Variants in MAP2K5 observed in about 807,000 individuals in gnomAD.
MAP2K5 encodes the protein dual specificity mitogen-activated protein kinase kinase 5.
In MAP2K5, 49 loss-of-function variants were observed where a neutral mutation model predicts 83.1. That is an observed-to-expected ratio of 0.59 (90% CI 0.47 to 0.75). MAP2K5 has a LOEUF of 0.75. Ranked by LOEUF, MAP2K5 falls within the 30% of genes least tolerant of loss-of-function variation. The pLI is 0.00. For missense variants in MAP2K5, 457 were observed against 557.5 expected, an observed-to-expected ratio of 0.82 and a Z score of 1.82; for synonymous variants, 202 against 191.8, an observed-to-expected ratio of 1.05 and a Z score of -0.44.
intron 11 of MAP2K5, among the ~76,000 whole-genome samples, chr15:67,647,606 C>T (rs1161074511): frequency 6.6e-6 from 1 of 151,634 alleles, no homozygotes; most frequent in Non-Finnish European, 1.5e-5. Flanking sequence ...AAAAATATGG[C>T]CGGGCACGGT....
chr15:67,733,820 C>T (rs1323613945), intron 17 of MAP2K5, among the ~76,000 whole-genome samples: 3 of 152,288 alleles, frequency 2.0e-5, no homozygotes, highest in South Asian at 4.1e-4. Flanking sequence ...TAACGACTGG[C>T]ACCTTCCATA....
intron 16 of MAP2K5, among the ~76,000 whole-genome samples, chr15:67,723,391 A>G (rs2089013709): frequency 6.6e-6 from 1 of 152,224 alleles, no homozygotes; most frequent in Admixed American, 6.5e-5. Context: ...AAGGTCAATA[A>G]GATGACACTA....
At position 67,644,449 on chromosome 15, in the gene MAP2K5, G is replaced by A. The variant is rs954849589; in HGVS notation, c.586-1782G>A. ...ACTCTTGAATTAGTTTCACTGACATGCTTAGTAGAATTTGAACAGTATGGT... is the reference window on the plus strand; with the variant it reads ...ACTCTTGAATTAGTTTCACTGACATACTTAGTAGAATTTGAACAGTATGGT... On this transcript the variant is annotated intron_variant, in intron 9 of 21. Transcript: ENST00000178640. This position sits in a 1 kb window ranked among gnomAD's most constrained non-coding sequence, Gnocchi z 4.6. Among the ~76,000 whole-genome samples the A allele has an allele frequency of 4.6e-5, 7 of 151,992 alleles. No homozygotes were observed. Among genetic ancestry groups the A allele is most frequent in the Non-Finnish European group, 8.8e-5 (6 of 68,008 alleles).
chr15:67,780,578 T>C lies in MAP2K5; in HGVS notation c.1242+7826T>C, dbSNP rs1221142532. The stretch of plus-strand genomic sequence containing the variant: ...CTCAGAGTAAAGCTGAAGAAACTAA[T>C]CCAAGAACAAGCAATCCCTGGACAT... On this transcript the variant is annotated intron_variant, in intron 21 of 21. Coordinates refer to ENST00000178640, the MANE Select transcript of MAP2K5 (RefSeq NM_145160.3). The surrounding 1 kb of genome is among the most constrained non-coding windows in gnomAD (Gnocchi z 5.0). 1.3e-5 allele frequency among the ~76,000 whole-genome samples: 2 copies of C among 152,162 alleles called. No homozygotes were observed. Among genetic ancestry groups the C allele is most frequent in the Non-Finnish European group, 1.5e-5 (1 of 68,030 alleles).
rs1266572058 is a variant in MAP2K5, at chr15:67,646,271, T to G, written c.626T>G (p.Ile209Ser). The G allele has an allele frequency of 6.9e-7, 1 of 1,448,314 alleles. No homozygotes were observed. The highest frequency in any genetic ancestry group is 2.3e-5 in the East Asian group (1 of 43,022). 89.7% of individuals were successfully genotyped at this position (1,448,314 alleles called of 1,614,324 possible). Residue 209 changes from isoleucine (I) to serine (S), a missense_variant, in exon 10 of 22, where the codon ATT becomes AGT. Ile to Ser is a moderately radical substitution (Grantham distance 142). Coordinates refer to ENST00000178640, the MANE Select transcript of MAP2K5 (RefSeq NM_145160.3). ...ATTACACTGGAACTTCAGAAGCAAA[T>G]TATGTCTGAATTGGAAATTCTTTAT... is the stretch of plus-strand genomic sequence containing the variant. ...LDITLELQKQ[I>S]MSELEILYKC... is the part of the protein sequence containing the mutation.
chr15:67,739,488 T>A (rs1218691552), intron 17 of MAP2K5, among the ~76,000 whole-genome samples: 10 of 60,938 alleles, frequency 1.6e-4, no homozygotes, highest in African/African-American at 7.1e-4. Flanking sequence ...TTTTTTTTTT[T>A]TTTTTTTTTT....
In MAP2K5 at chr15:67,637,861, G is replaced by A. The variant is rs952278522; in HGVS notation, c.585+6934G>A. Among the ~76,000 whole-genome samples, 3 of 151,800 alleles carry A rather than the reference G, an allele frequency of 2.0e-5. No homozygotes were observed. Among genetic ancestry groups the A allele is most frequent in the Non-Finnish European group, 4.4e-5 (3 of 67,974 alleles). On this transcript the variant is annotated intron_variant, in intron 9 of 21. Transcript: ENST00000178640. The surrounding 1 kb of genome is among the most constrained non-coding windows in gnomAD (Gnocchi z 4.5). The stretch of plus-strand genomic sequence containing the variant: ...CATCTCATTTGTTTTCCATCTTTCA[G>A]GGATCACTGCCCCATTCTGGCTAAT...
At chr15:67,661,576 A>AT (rs2087239765) in intron 12 of MAP2K5, among the ~76,000 whole-genome samples, 1 of 152,138 alleles carries the variant, frequency 6.6e-6, no homozygotes, top group Non-Finnish European at 1.5e-5. Flanking sequence ...AATGTAGTGT[A>AT]TTTTGACAAA....
chr15:67,701,411 C>T (rs958605930), intron 15 of MAP2K5, among the ~76,000 whole-genome samples: 1 of 152,086 alleles, frequency 6.6e-6, no homozygotes, highest in African/African-American at 2.4e-5. Flanking sequence ...ACTCTCTTTG[C>T]CTCTTAGGAA....
intron 13 of MAP2K5, among the ~76,000 whole-genome samples, chr15:67,667,163 C>A (rs1249126226): frequency 6.6e-6 from 1 of 152,004 alleles, no homozygotes; most frequent in East Asian, 1.9e-4. Flanking sequence ...GAGGTTTTGT[C>A]CATATTTAAT....
chr15:67,712,895 C>A (rs1166672753), intron 16 of MAP2K5, among the ~76,000 whole-genome samples: 1 of 149,964 alleles, frequency 6.7e-6, no homozygotes, highest in East Asian at 2.0e-4. Flanking sequence ...TCCGCCTGGG[C>A]GACAGAGCAG....
At position 67,720,081 on chromosome 15, in the gene MAP2K5, GT is replaced by G. The variant is rs1164955815; in HGVS notation, c.1045-7829del. 6.6e-6 allele frequency among the ~76,000 whole-genome samples: 1 copy of G among 151,996 alleles called. No homozygotes were observed. The highest frequency in any genetic ancestry group is 1.5e-5 in the Non-Finnish European group (1 of 67,996). On this transcript the variant is annotated intron_variant, in intron 16 of 21. Transcript: ENST00000178640. The surrounding 1 kb of genome is among the most constrained non-coding windows in gnomAD (Gnocchi z 5.7). ...AAAAGTGGGCATTTTTAAATTGAGG[GT>G]TTTTTCCCCTTTTTTATTTATCAAT...
At chr15:67,601,488 C>G (rs929529687) in intron 8 of MAP2K5, among the ~76,000 whole-genome samples, 1 of 151,998 alleles carries the variant, frequency 6.6e-6, no homozygotes, top group Non-Finnish European at 1.5e-5. Context: ...GTAAGAAAGC[C>G]CTGAGGGAAT....
intron 8 of MAP2K5, among the ~76,000 whole-genome samples, chr15:67,624,148 G>T (rs2086254243): frequency 6.6e-6 from 1 of 151,292 alleles, no homozygotes; most frequent in African/African-American, 2.4e-5. Context: ...GACCATCCTG[G>T]CTAACACAGT....
Position 67,802,145 on chromosome 15 carries a change from G to A in MAP2K5, c.1243-4501G>A, listed in dbSNP as rs1167038356. Among the ~76,000 whole-genome samples, 1 of 152,184 alleles carries A rather than the reference G, an allele frequency of 6.6e-6. No individual in the cohort carries two copies. The highest frequency in any genetic ancestry group is 2.4e-5 in the African/African-American group (1 of 41,448). ...TGTCCTGCTGTCAGTCCATCAGGAA[G>A]GCATCTCAGCACAGTGGAACATGTG... On this transcript the variant is annotated intron_variant, in intron 21 of 21. Transcript: ENST00000178640. The surrounding 1 kb of genome is among the most constrained non-coding windows in gnomAD (Gnocchi z 5.0).
chr15:67,739,935 A>G (rs913645079), intron 17 of MAP2K5, among the ~76,000 whole-genome samples: 12 of 152,202 alleles, frequency 7.9e-5, no homozygotes, highest in African/African-American at 2.9e-4. Flanking sequence ...AACCTTTCTT[A>G]CAATGCCTAG....
intron 17 of MAP2K5, among the ~76,000 whole-genome samples, chr15:67,741,525 C>T (rs183663206): frequency 7.8e-4 from 119 of 152,270 alleles, no homozygotes; most frequent in African/African-American, 2.6e-3. Flanking sequence ...GCTGCAGTTT[C>T]ATTGGACCAG....
chr15:67,710,192 C>T (rs564334046), intron 16 of MAP2K5, among the ~76,000 whole-genome samples: 2 of 152,308 alleles, frequency 1.3e-5, no homozygotes, highest in East Asian at 1.9e-4. Context: ...GCATAGCATA[C>T]GCATTTTGCT....
At position 67,562,654 on chromosome 15, in the gene MAP2K5, T is replaced by A. The variant is rs1331163673; in HGVS notation, c.185-629T>A. The stretch of plus-strand genomic sequence containing the variant: ...TGAAACTGTTCGGAAAAAGAGCTGC[T>A]AAATAGAATGGGGGAGACCTGTATT... On this transcript the variant is annotated intron_variant, in intron 2 of 21. Coordinates refer to ENST00000178640, the MANE Select transcript of MAP2K5 (RefSeq NM_145160.3). The surrounding 1 kb of genome is among the most constrained non-coding windows in gnomAD (Gnocchi z 4.1). Among the ~76,000 whole-genome samples the A allele has an allele frequency of 2.0e-5, 3 of 152,148 alleles. No homozygotes were observed. The highest frequency in any genetic ancestry group is 1.9e-4 in the East Asian group (1 of 5,202).
Sources: allele counts gnomAD v4.1 joint callset (sites outside exome capture counted in the v4.1 genomes callset), GRCh38; gene constraint gnomAD v4.1.1; non-coding constraint Gnocchi (gnomAD v3.1); transcripts MANE v1.5; gene names NCBI Gene and HGNC (gene_info 2026-07-23, HGNC 2026-07-21).